The following GRIK4 variants were observed in gnomAD, a reference collection of about 807,000 sequenced individuals.
The protein encoded by GRIK4 is glutamate ionotropic receptor kainate type subunit 4.
A neutral mutation model predicts 104.9 loss-of-function variants in GRIK4; 40 were observed. The observed-to-expected ratio is 0.38, with a 90% confidence interval of 0.30 to 0.50. GRIK4 has a LOEUF of 0.50. GRIK4 is among the 20% of genes least tolerant of loss of function. The pLI, the probability that GRIK4 is intolerant of heterozygous loss-of-function variation, is 0.93. For missense variants in GRIK4, 1,047 were observed against 1,308.1 expected, an observed-to-expected ratio of 0.80 and a Z score of 3.08; for synonymous variants, 485 against 524.9, an observed-to-expected ratio of 0.92 and a Z score of 1.04.
chr11:120,557,008 T>A (rs1008516886), intron 1 of GRIK4, among the ~76,000 whole-genome samples: 6 of 152,118 alleles, frequency 3.9e-5, no homozygotes, highest in Middle Eastern at 3.2e-3. Flanking sequence ...AGCTGACCCG[T>A]CCAGTCTCCT....
chr11:120,821,091 C>G (rs1359795163), intron 6 of GRIK4, among the ~76,000 whole-genome samples: 2 of 152,226 alleles, frequency 1.3e-5, no homozygotes, highest in Non-Finnish European at 2.9e-5. Flanking sequence ...AGGGCCCAAA[C>G]TCAAATACAG....
chr11:120,791,257 T>C (rs1367020905), intron 3 of GRIK4, among the ~76,000 whole-genome samples: 1 of 152,168 alleles, frequency 6.6e-6, no homozygotes, highest in Non-Finnish European at 1.5e-5. Flanking sequence ...TCCATATCCA[T>C]GTCAGCAATT....
intron 1 of GRIK4, among the ~76,000 whole-genome samples, chr11:120,561,298 G>C (rs547429238): frequency 1.1e-3 from 164 of 152,284 alleles, no homozygotes; most frequent in African/African-American, 3.6e-3. Context: ...GGTTTTGATG[G>C]AGCGCTTCTC....
At chr11:120,518,696 G>A (rs1381837698) in intron 1 of GRIK4, among the ~76,000 whole-genome samples, 1 of 152,160 alleles carries the variant, frequency 6.6e-6, no homozygotes, top group Non-Finnish European at 1.5e-5. Flanking sequence ...TTGGCTTACT[G>A]CAACCTCCGC....
chr11:120,769,660 C>T (rs1269862652), intron 3 of GRIK4, among the ~76,000 whole-genome samples: 1 of 152,152 alleles, frequency 6.6e-6, no homozygotes, highest in Non-Finnish European at 1.5e-5. Context: ...GTTTGCTGAC[C>T]TCTGACTTAC....
intron 1 of GRIK4, among the ~76,000 whole-genome samples, chr11:120,632,718 G>T (rs1446238595): frequency 6.6e-6 from 1 of 152,060 alleles, no homozygotes; most frequent in Middle Eastern, 3.2e-3. Flanking sequence ...AGAACTGAGG[G>T]TTCCTGATTC....
intron 6 of GRIK4, 25 bp from the exon 7 acceptor site, chr11:120,831,827 G>T (rs760131436): frequency 1.3e-6 from 2 of 1,597,090 alleles, no homozygotes; most frequent in South Asian, 2.2e-5. Context: ...GGACCCTCAG[G>T]GGCTTCATCC....
intron 6 of GRIK4, among the ~76,000 whole-genome samples, chr11:120,829,662 G>A (rs1441943494): frequency 1.3e-5 from 2 of 152,180 alleles, no homozygotes; most frequent in Non-Finnish European, 2.9e-5. Context: ...CATGGAGACC[G>A]TACATCCCAC....
chr11:120,946,369 AGTTC>A (rs1943861143), intron 14 of GRIK4, among the ~76,000 whole-genome samples: 1 of 152,184 alleles, frequency 6.6e-6, no homozygotes, highest in African/African-American at 2.4e-5. Flanking sequence ...TCATCTAAAC[AGTTC>A]GTTGTTGCTG....
intron 3 of GRIK4, among the ~76,000 whole-genome samples, chr11:120,672,379 GC>G (rs1950033972): frequency 1.3e-5 from 2 of 151,962 alleles, no homozygotes; most frequent in Admixed American, 1.3e-4. Flanking sequence ...TTGCACCACT[GC>G]ACTCCAGCCT....
At chr11:120,677,125 G>T (rs1241203574) in intron 3 of GRIK4, among the ~76,000 whole-genome samples, 1 of 152,176 alleles carries the variant, frequency 6.6e-6, no homozygotes, top group Non-Finnish European at 1.5e-5. Context: ...CTGCAACTGA[G>T]ATTATGCCAC....
chr11:120,604,675 T>C (rs1250791155), intron 1 of GRIK4, among the ~76,000 whole-genome samples: 1 of 152,244 alleles, frequency 6.6e-6, no homozygotes, highest in Non-Finnish European at 1.5e-5. Flanking sequence ...CCAGCCCCTG[T>C]TAGCGATAAG....
chr11:120,962,722 A>T (rs1459171837), intron 18 of GRIK4, 41 bp downstream of exon 18: 2 of 1,396,742 alleles, frequency 1.4e-6, no homozygotes, highest in Admixed American at 1.7e-5. Context: ...AGCTTTGTCC[A>T]GACAGGGTCA....
At chr11:120,747,080 C>A (rs939172728) in intron 3 of GRIK4, among the ~76,000 whole-genome samples, 2 of 152,174 alleles carry the variant, frequency 1.3e-5, no homozygotes, top group Non-Finnish European at 2.9e-5. Flanking sequence ...TATGGCATCC[C>A]TGAAATAACA....
At chr11:120,565,681 A>G (rs1948312446) in intron 1 of GRIK4, among the ~76,000 whole-genome samples, 1 of 152,224 alleles carries the variant, frequency 6.6e-6, no homozygotes, top group South Asian at 2.1e-4. Context: ...CTCACGGTTA[A>G]TGAGACCGGA....
At chr11:120,719,081 G>GT (rs903993636) in intron 3 of GRIK4, among the ~76,000 whole-genome samples, 2 of 151,906 alleles carry the variant, frequency 1.3e-5, no homozygotes, top group East Asian at 1.9e-4. Context: ...GCATAATTGA[G>GT]TTTTTTTTAA....
At chr11:120,630,708 G>T (rs1197982622) in intron 1 of GRIK4, among the ~76,000 whole-genome samples, 1 of 152,204 alleles carries the variant, frequency 6.6e-6, no homozygotes, top group African/African-American at 2.4e-5. Context: ...AATTATCGTA[G>T]TCTACTTCAA....
intron 1 of GRIK4, among the ~76,000 whole-genome samples, chr11:120,572,564 G>C (rs964552039): frequency 6.6e-6 from 1 of 152,184 alleles, no homozygotes; most frequent in Admixed American, 6.5e-5. Context: ...GCCTCCTCCT[G>C]TCTGGGCTCT....
intron 3 of GRIK4, among the ~76,000 whole-genome samples, chr11:120,793,323 A>G (rs1360998726): frequency 6.6e-6 from 1 of 151,926 alleles, no homozygotes; most frequent in East Asian, 1.9e-4. Context: ...CAGAGGGCAC[A>G]GCTGGTCAGG....
Sources: allele counts gnomAD v4.1 joint callset (sites outside exome capture counted in the v4.1 genomes callset), GRCh38; gene constraint gnomAD v4.1.1; transcripts MANE v1.5; gene names NCBI Gene and HGNC (gene_info 2026-07-23, HGNC 2026-07-21).